USP28: variants seen among roughly 807,000 people sequenced by gnomAD.
USP28 encodes the protein ubiquitin carboxyl-terminal hydrolase 28.
Under a neutral mutation model 145.0 loss-of-function variants are expected in USP28, and 113 were observed. The ratio of observed to expected loss-of-function variants is 0.78; its 90% CI spans 0.67 to 0.91. The LOEUF is 0.91. Ranked by LOEUF, USP28 falls within the 40% of genes least tolerant of loss-of-function variation. The pLI, the probability that USP28 is intolerant of heterozygous loss-of-function variation, is 0.00. For missense variants in USP28, 1,201 were observed against 1,289.6 expected, an observed-to-expected ratio of 0.93 and a Z score of 1.05; for synonymous variants, 447 against 450.9, an observed-to-expected ratio of 0.99 and a Z score of 0.11.
chr11:113,827,464 G>A, intron 10 of USP28, 104 bp from the exon 11 acceptor site: 1 of 1,240,498 alleles, frequency 8.1e-7, no homozygotes, highest in East Asian at 2.8e-5. Context: ...CTTTGGTATA[G>A]AACTTATACT....
chr11:113,832,362 G>A (rs1038092434), intron 7 of USP28, among the ~76,000 whole-genome samples: 3 of 152,066 alleles, frequency 2.0e-5, no homozygotes, highest in Admixed American at 6.6e-5. Context: ...CACCTGCCTC[G>A]GCGTCGCAAG....
chr11:113,805,131 T>C lies in USP28; in HGVS notation c.2401-85A>G, dbSNP rs754164436. On this transcript the variant is annotated intron_variant, in intron 19 of 24. Coordinates refer to ENST00000003302, the Ensembl canonical transcript of USP28. Reference sequence around the variant, plus strand: ...ATTGATGCCTAGGAGCTAGGCAGTCTCTTGACTCTAAAAAGACTTCTAAAA... The same window carrying C: ...ATTGATGCCTAGGAGCTAGGCAGTCCCTTGACTCTAAAAAGACTTCTAAAA... 250 of 1,244,118 alleles carry C rather than the reference T, an allele frequency of 2.0e-4. 1 individual carries two copies. The highest frequency in any genetic ancestry group is 4.9e-4 in the Middle Eastern group (2 of 4,042). The allele number at this position is 1,244,118 out of a possible 1,614,324, so 77.1% of individuals were successfully genotyped here.
intron 5 of USP28, among the ~76,000 whole-genome samples, chr11:113,839,608 G>A (rs929708656): frequency 6.6e-5 from 10 of 152,090 alleles, no homozygotes; most frequent in South Asian, 2.1e-4. Context: ...AAGACATTGC[G>A]CCAGGTGCAG....
At chr11:113,805,352 C>A (rs1412004874) in intron 19 of USP28, among the ~76,000 whole-genome samples, 8 of 151,216 alleles carry the variant, frequency 5.3e-5, no homozygotes, top group Admixed American at 1.3e-4. Context: ...AACTCCTGGG[C>A]TCAGGTGATC....
intron 1 of USP28, chr11:113,874,385 A>C: frequency 1.2e-6 from 1 of 864,322 alleles, no homozygotes; most frequent in Admixed American, 4.0e-5. Flanking sequence ...ACATCGCGCC[A>C]CAGCACTCCA....
chr11:113,847,309 T>C (rs546452202), intron 3 of USP28, among the ~76,000 whole-genome samples: 13 of 152,186 alleles, frequency 8.5e-5, no homozygotes, highest in African/African-American at 2.6e-4. Context: ...GATAAGCATC[T>C]ACATTTATAG....
At chr11:113,853,559 AT>A (rs752456202) in intron 2 of USP28, among the ~76,000 whole-genome samples, 7 of 152,008 alleles carry the variant, frequency 4.6e-5, no homozygotes, top group Non-Finnish European at 7.4e-5. Context: ...ACTGGTCAAC[AT>A]TTCAGAACAT....
Position 113,872,599 on chromosome 11 carries a change from G to A in USP28, c.57+2846C>T, listed in dbSNP as rs1244637764. 3.3e-5 allele frequency among the ~76,000 whole-genome samples: 5 copies of A among 152,096 alleles called. 1 individual carries two copies. Among genetic ancestry groups the A allele is most frequent in the African/African-American group, 9.7e-5 (4 of 41,410 alleles). Reference sequence around the variant, plus strand: ...ATCAGTTAATGAGACAAAAGGAAACGAAAGGTCAATAAATCAAGAGAAAGC... The same window carrying A: ...ATCAGTTAATGAGACAAAAGGAAACAAAAGGTCAATAAATCAAGAGAAAGC... On this transcript the variant is annotated intron_variant, in intron 1 of 24. Coordinates refer to ENST00000003302, the Ensembl canonical transcript of USP28.
Position 113,805,191 on chromosome 11 carries a change from T to G in USP28, c.2401-145A>C, listed in dbSNP as rs926185557. On this transcript the variant is annotated intron_variant, in intron 19 of 24. Coordinates refer to ENST00000003302, the Ensembl canonical transcript of USP28. ...CGAATTACAAAAACAACTATGGAAT[T>G]TTTAAGTTTCTTGCATTTCATAAGG... The G allele has an allele frequency of 7.7e-6, 6 of 783,858 alleles. No individual in the cohort carries two copies. The Admixed American group carries it at 2.0e-4, about 26-fold the overall frequency. 48.6% of individuals were successfully genotyped at this position (783,858 alleles called of 1,614,324 possible).
intron 5 of USP28, chr11:113,835,322 A>G (rs1944445852): frequency 2.2e-6 from 1 of 456,070 alleles, no homozygotes; most frequent in Non-Finnish European, 4.4e-6. Flanking sequence ...CTCCTGAAGA[A>G]GCATCCTAGG....
Position 113,829,199 on chromosome 11 carries a change from C to CT in USP28, c.1056dup (p.Glu353ArgfsTer14). 3 of 1,613,586 alleles carry CT rather than the reference C, an allele frequency of 1.9e-6. No individual in the cohort carries two copies. The highest frequency in any genetic ancestry group is 2.5e-6 in the Non-Finnish European group (3 of 1,179,794). On this transcript the variant is annotated frameshift_variant, in exon 10 of 25. Transcript: ENST00000003302. LOFTEE classifies it high-confidence loss of function. ...GCAAATAAAGATCTCCAACGTACCT[C>CT]TTGTCCATACTTCACCGAGTGATCG...
At chr11:113,820,106 A>C (rs2135617096) in intron 12 of USP28, among the ~76,000 whole-genome samples, 1 of 152,336 alleles carries the variant, frequency 6.6e-6, no homozygotes, top group East Asian at 1.9e-4. Flanking sequence ...AAAAATTTGC[A>C]ACCTCCAGCA....
exon 25 of USP28, chr11:113,798,855 T>A (rs1236081640): frequency 6.5e-6 from 1 of 154,496 alleles, no homozygotes; most frequent in Admixed American, 6.5e-5. Flanking sequence ...AACTAGTAGC[T>A]GTTCATCTGG....
At chr11:113,852,699 T>C in intron 2 of USP28, 66 bp from the exon 3 acceptor site, 2 of 1,554,874 alleles carry the variant, frequency 1.3e-6, no homozygotes, top group Non-Finnish European at 1.7e-6. Flanking sequence ...GTTTTGAGTA[T>C]TAACTTTATT....
chr11:113,846,434 A>G (rs1260128059), intron 3 of USP28, among the ~76,000 whole-genome samples: 1 of 152,226 alleles, frequency 6.6e-6, no homozygotes, highest in East Asian at 1.9e-4. Flanking sequence ...AATACTGTAT[A>G]AGTCCACTTA....
At chr11:113,842,379 A>G (rs1470048104) in intron 3 of USP28, among the ~76,000 whole-genome samples, 2 of 152,048 alleles carry the variant, frequency 1.3e-5, no homozygotes, top group Non-Finnish European at 2.9e-5. Context: ...AGGTCAAGAG[A>G]TCGAGACCAT....
intron 1 of USP28, among the ~76,000 whole-genome samples, chr11:113,863,187 A>T (rs1947878693): frequency 6.6e-6 from 1 of 152,236 alleles, no homozygotes; most frequent in African/African-American, 2.4e-5. Context: ...CAAATTCAGC[A>T]GCTTCAAGGT....
At chr11:113,834,266 T>C in exon 6 of USP28, 1 of 1,611,912 alleles carries the variant, frequency 6.2e-7, no homozygotes, top group Non-Finnish European at 8.5e-7. Context: ...CTTCGACAAT[T>C]TTCAAGTACA....
At chr11:113,814,381 G>T (rs1941411194) in intron 14 of USP28, among the ~76,000 whole-genome samples, 2 of 152,120 alleles carry the variant, frequency 1.3e-5, no homozygotes, top group South Asian at 2.1e-4. Context: ...AGGAAGGGGG[G>T]TAAGGTTAGT....
Sources: gnomAD v4.1 joint callset for allele counts (sites outside exome capture counted in the v4.1 genomes callset) on GRCh38, gnomAD v4.1.1 for gene constraint, MANE v1.5 for transcripts, NCBI Gene and HGNC (gene_info 2026-07-23, HGNC 2026-07-21) for gene names.